Variants in E2F3 observed in about 807,000 individuals in gnomAD.
E2F3 encodes the protein transcription factor E2F3.
In E2F3, 11 loss-of-function variants were observed where a neutral mutation model predicts 44.4. The observed-to-expected ratio is 0.25, with a 90% CI of 0.16 to 0.41. The LOEUF (loss-of-function observed/expected upper bound fraction) is 0.41. Ranked by LOEUF, E2F3 falls within the 10% of genes least tolerant of loss-of-function variation. The pLI is 1.00. For missense variants in E2F3, 487 were observed against 583.6 expected (o/e 0.83, Z 1.70); for synonymous variants, 249 against 253.0 (o/e 0.98, Z 0.15).
intron 1 of E2F3, among the ~76,000 whole-genome samples, chr6:20,406,264 A>G (rs1285139805): frequency 4.6e-5 from 7 of 152,360 alleles, no homozygotes; most frequent in Non-Finnish European, 5.9e-5. Flanking sequence ...AAATAACTTA[A>G]TCTCTCAACT....
At chr6:20,407,944 G>A (rs925872133) in intron 1 of E2F3, among the ~76,000 whole-genome samples, 14 of 152,310 alleles carry the variant, frequency 9.2e-5, no homozygotes, top group Admixed American at 3.3e-4. Context: ...AAGGTAAAAC[G>A]TGGTGAAAGC....
In E2F3 at chr6:20,490,152, A is replaced by G. The variant is rs768627989; in HGVS notation, c.1136-16A>G. On this transcript the variant is annotated splice_polypyrimidine_tract_variant and intron_variant, in intron 6 of 6. Transcript: ENST00000346618. This position sits in a 1 kb window ranked among gnomAD's most constrained non-coding sequence, Gnocchi z 4.3. ...TTCTAACTTATTTTTTGTTTCCATC[A>G]ATGTTTTCTTTTCAGACTTGGCTTC... 1.1e-5 allele frequency: 17 copies of G among 1,553,366 alleles called. No homozygotes were observed. The Admixed American group carries it at 2.9e-4, about 27-fold the overall frequency.
chr6:20,451,515 T>C (rs1002719157), intron 1 of E2F3, among the ~76,000 whole-genome samples: 1 of 152,196 alleles, frequency 6.6e-6, no homozygotes, highest in African/African-American at 2.4e-5. Flanking sequence ...CAGAGGGTAG[T>C]TTGACTTCCT....
chr6:20,446,721 A>G (rs1208814254), intron 1 of E2F3, among the ~76,000 whole-genome samples: 1 of 152,084 alleles, frequency 6.6e-6, no homozygotes, highest in African/African-American at 2.4e-5. Flanking sequence ...GGTGTGCGCT[A>G]CCACACCTGC....
chr6:20,492,369 A>C lies in E2F3; in HGVS notation c.*1939A>C. 4.3e-6 allele frequency: 1 copy of C among 233,396 alleles called. No homozygotes were observed. The highest frequency in any genetic ancestry group is 6.0e-5 in the East Asian group (1 of 16,676). The allele number at this position is 233,396 out of a possible 1,614,324, so 14.5% of individuals were successfully genotyped here. On this transcript the variant is annotated 3_prime_UTR_variant, in exon 7 of 7. Coordinates refer to ENST00000346618, the MANE Select transcript of E2F3 (RefSeq NM_001949.5). ...CCTCCATCCCTGGCCTCCTCCCCTC[A>C]CACACACTGGACTTGGTACAAAATG...
At chr6:20,481,093 T>C in intron 2 of E2F3, 113 bp from the exon 3 acceptor site, 1 of 950,152 alleles carries the variant, frequency 1.1e-6, no homozygotes. Context: ...TTGCTTCAGA[T>C]ACTAATACTT....
At chr6:20,488,481 T>A (rs1238924300) in intron 6 of E2F3, among the ~76,000 whole-genome samples, 4 of 152,218 alleles carry the variant, frequency 2.6e-5, no homozygotes, top group Non-Finnish European at 4.4e-5. Context: ...AGAGAATGTT[T>A]CCTTACAGCA....
chr6:20,447,110 G>A (rs1760971111), intron 1 of E2F3, among the ~76,000 whole-genome samples: 1 of 152,106 alleles, frequency 6.6e-6, no homozygotes, highest in South Asian at 2.1e-4. Flanking sequence ...CATCTTGTCA[G>A]GGAAAATAGG....
chr6:20,424,403 GT>G (rs1760140741), intron 1 of E2F3, among the ~76,000 whole-genome samples: 2 of 151,888 alleles, frequency 1.3e-5, no homozygotes, highest in African/African-American at 4.8e-5. Context: ...GTGTGTGTGT[GT>G]GTGTGTACAT....
intron 1 of E2F3, among the ~76,000 whole-genome samples, chr6:20,425,523 G>A (rs1581586165): frequency 6.6e-6 from 1 of 152,176 alleles, no homozygotes; most frequent in East Asian, 1.9e-4. Context: ...TGAGTAGCCA[G>A]GACTACAGGC....
chr6:20,417,496 A>G (rs2127588339), intron 1 of E2F3, among the ~76,000 whole-genome samples: 1 of 152,334 alleles, frequency 6.6e-6, no homozygotes, highest in African/African-American at 2.4e-5. Context: ...AAGTGTTTTA[A>G]AAGTTAGTAA....
intron 1 of E2F3, among the ~76,000 whole-genome samples, chr6:20,410,776 G>A (rs146176358): frequency 0.011 from 1,628 of 152,200 alleles, 42 homozygotes; most frequent in African/African-American, 0.037. Context: ...GCGCCACCAC[G>A]CCCAGCTAAT....
intron 1 of E2F3, among the ~76,000 whole-genome samples, chr6:20,444,654 G>A (rs1760881389): frequency 6.6e-6 from 1 of 152,050 alleles, no homozygotes; most frequent in Non-Finnish European, 1.5e-5. Context: ...TTTCGTTGCT[G>A]TTTTGTACAA....
In E2F3 at chr6:20,470,173, A is replaced by G. The variant is rs557829703; in HGVS notation, c.394-9673A>G. 4.4e-3 allele frequency among the ~76,000 whole-genome samples: 671 copies of G among 152,022 alleles called. 5 individuals are homozygous for G. The highest frequency in any genetic ancestry group is 7.7e-3 in the Admixed American group (118 of 15,264). ...GCTCAAGAGCTGTCACCTCTTAACA[A>G]TCTCTCCAGACCTCTACCCACTTCT... On this transcript the variant is annotated intron_variant, in intron 1 of 6. Transcript: ENST00000346618.
At chr6:20,410,574 C>T (rs1172216464) in intron 1 of E2F3, among the ~76,000 whole-genome samples, 1 of 152,192 alleles carries the variant, frequency 6.6e-6, no homozygotes, top group Admixed American at 6.5e-5. Flanking sequence ...AATTGCCCTT[C>T]CTTCCACAGG....
intron 1 of E2F3, among the ~76,000 whole-genome samples, chr6:20,427,205 A>T (rs138998221): frequency 1.3e-5 from 2 of 152,182 alleles, no homozygotes; most frequent in Non-Finnish European, 1.5e-5. Flanking sequence ...ATTTCTTATC[A>T]TATAATGGGA....
intron 1 of E2F3, among the ~76,000 whole-genome samples, chr6:20,454,061 C>T (rs1370702500): frequency 6.6e-6 from 1 of 152,244 alleles, no homozygotes; most frequent in Non-Finnish European, 1.5e-5. Flanking sequence ...TCTCCTTTCA[C>T]TCAAAGTATT....
At chr6:20,458,683 G>A (rs1761395750) in intron 1 of E2F3, among the ~76,000 whole-genome samples, 1 of 152,154 alleles carries the variant, frequency 6.6e-6, no homozygotes, top group Non-Finnish European at 1.5e-5. Context: ...AAATAGGCTT[G>A]TCAGTAAAAC....
At chr6:20,456,760 A>G (rs1434977728) in intron 1 of E2F3, among the ~76,000 whole-genome samples, 1 of 152,224 alleles carries the variant, frequency 6.6e-6, no homozygotes, top group Non-Finnish European at 1.5e-5. Context: ...AACTGATTGT[A>G]GAGATTATGA....
Sources: gnomAD v4.1 joint callset for allele counts (sites outside exome capture counted in the v4.1 genomes callset) on GRCh38, gnomAD v4.1.1 for gene constraint, Gnocchi (gnomAD v3.1) non-coding constraint, MANE v1.5 for transcripts, NCBI Gene and HGNC (gene_info 2026-07-23, HGNC 2026-07-21) for gene names.